The following WDR25 variants were observed in gnomAD, a reference collection of about 807,000 sequenced individuals.
WDR25 encodes WD repeat domain 25, also known as WD repeat-containing protein 25.
A neutral mutation model predicts 47.7 loss-of-function variants in WDR25; 35 were observed. The ratio of observed to expected loss-of-function variants is 0.73; its 90% CI spans 0.56 to 0.97. The LOEUF (loss-of-function observed/expected upper bound fraction) is 0.97, where lower values mean the gene tolerates loss of function less well. WDR25 is among the 50% of genes least tolerant of loss of function. The probability of loss-of-function intolerance (pLI) is 0.00; values close to 1 mark genes in which losing one functional copy is unlikely to be tolerated. For missense variants in WDR25, 634 were observed against 704.7 expected, an observed-to-expected ratio of 0.90 and a Z score of 1.14; for synonymous variants, 248 against 278.9, an observed-to-expected ratio of 0.89 and a Z score of 1.10.
At position 100,452,699 on chromosome 14, in the gene WDR25, T is replaced by TG. The variant is rs556267110; in HGVS notation, c.823-15316dup. Among the ~76,000 whole-genome samples, 172 of 152,002 alleles carry TG rather than the reference T, an allele frequency of 1.1e-3. 1 individual carries two copies. Among genetic ancestry groups the TG allele is most frequent in the African/African-American group, 3.6e-3 (149 of 41,438 alleles). On this transcript the variant is annotated intron_variant, in intron 2 of 6. Transcript: ENST00000402312. Reference sequence around the variant, plus strand: ...GGAAGCCACTGGATAGTTTGTGGGGTGGGGGGCTATAACTCGACTCTGATG... The same window carrying TG: ...GGAAGCCACTGGATAGTTTGTGGGGTGGGGGGGCTATAACTCGACTCTGATG...
At position 100,525,996 on chromosome 14, in the gene WDR25, T is replaced by G; in HGVS notation, c.1228T>G (p.Trp410Gly). The change falls in exon 5 of 7, where the codon TGG (tryptophan) becomes GGG (glycine). Residue 410 changes from tryptophan to glycine, a missense_variant. By Grantham distance (184) the Trp-to-Gly change is radical (BLOSUM62 -2). Transcript: ENST00000402312. The surrounding 1 kb of genome is among the most constrained non-coding windows in gnomAD (Gnocchi z 4.6). The part of the protein sequence containing the change: ...RDSADRTIIA[W>G]DFRTSAKISN... ...CTCAGCTGACCGCACCATTATTGCC[T>G]GGGATTTCCGGACCTCTGCCAAAAT... is the stretch of plus-strand genomic sequence containing the variant. The G allele has an allele frequency of 6.2e-7, 1 of 1,614,068 alleles. No individual in the cohort carries two copies. The highest frequency in any genetic ancestry group is 8.5e-7 in the Non-Finnish European group (1 of 1,179,958).
intron 4 of WDR25, among the ~76,000 whole-genome samples, chr14:100,503,067 G>A (rs566811517): frequency 1.3e-5 from 2 of 152,048 alleles, no homozygotes; most frequent in African/African-American, 2.4e-5. Context: ...GCGTGTGTGT[G>A]TGTGTGTGTG....
At chr14:100,465,677 C>T (rs1899605667) in intron 2 of WDR25, among the ~76,000 whole-genome samples, 1 of 152,212 alleles carries the variant, frequency 6.6e-6, no homozygotes, top group African/African-American at 2.4e-5. Context: ...CATGGATGTA[C>T]AGTATCTTTT....
At position 100,506,742 on chromosome 14, in the gene WDR25, C is replaced by T. The variant is rs1295421668; in HGVS notation, c.1102-19128C>T. Among the ~76,000 whole-genome samples the T allele has an allele frequency of 6.6e-6, 1 of 152,002 alleles. No homozygotes were observed. The highest frequency in any genetic ancestry group is 1.5e-5 in the Non-Finnish European group (1 of 68,000). On this transcript the variant is annotated intron_variant, in intron 4 of 6. Transcript: ENST00000402312. This position sits in a 1 kb window ranked among gnomAD's most constrained non-coding sequence, Gnocchi z 4.8. ...AGAAGTGTCTATTCATGTCTTTGGC[C>T]CATTTTTTAATAGGGTTATTTGTTT...
chr14:100,454,065 T>C (rs2140271941), intron 2 of WDR25, among the ~76,000 whole-genome samples: 1 of 152,348 alleles, frequency 6.6e-6, no homozygotes, highest in Admixed American at 6.5e-5. Flanking sequence ...AAAATGCTGC[T>C]GCTGTTCTTG....
chr14:100,412,004 A>G (rs549976040), intron 2 of WDR25, among the ~76,000 whole-genome samples: 5 of 152,330 alleles, frequency 3.3e-5, no homozygotes, highest in African/African-American at 1.2e-4. Flanking sequence ...ATGGTAAAAT[A>G]TCCCAGCCTG....
intron 2 of WDR25, among the ~76,000 whole-genome samples, chr14:100,453,274 T>C (rs1899098674): frequency 6.6e-6 from 1 of 152,168 alleles, no homozygotes; most frequent in Admixed American, 6.5e-5. Flanking sequence ...AGAGCATTAG[T>C]GGTGCTGAAA....
rs997961880 is a variant in WDR25, at chr14:100,530,174, C to T, written c.*133C>T. The T allele has an allele frequency of 4.4e-6, 4 of 908,930 alleles. No homozygotes were observed. The highest frequency in any genetic ancestry group is 3.4e-5 in the African/African-American group (2 of 59,622). The allele number at this position is 908,930 out of a possible 1,614,324, so 56.3% of individuals were successfully genotyped here. A position where few individuals can be genotyped will look rare whatever the true frequency, so the allele number is the denominator to read the frequency against. ...ACCACCTTCTGAGCCTCAGTTTCCT[C>T]ATCTGTAAAGTGGGGAGAAAAGTCT... On this transcript the variant is annotated 3_prime_UTR_variant, in exon 7 of 7. Coordinates refer to ENST00000402312, the MANE Select transcript of WDR25 (RefSeq NM_001161476.3).
intron 2 of WDR25, among the ~76,000 whole-genome samples, chr14:100,394,031 AG>A (rs1320173025): frequency 2.6e-5 from 4 of 152,218 alleles, no homozygotes; most frequent in African/African-American, 9.6e-5. Context: ...GGATCAGAGG[AG>A]GTTAGATGTG....
chr14:100,526,131 T>G, intron 5 of WDR25, 91 bp downstream of exon 5: 1 of 1,455,010 alleles, frequency 6.9e-7, no homozygotes, highest in Non-Finnish European at 9.3e-7. Flanking sequence ...GTCCCTTCTG[T>G]GGGAGGAGGC....
intron 3 of WDR25, among the ~76,000 whole-genome samples, chr14:100,474,630 G>A (rs866047212): frequency 6.6e-6 from 1 of 152,098 alleles, no homozygotes. Flanking sequence ...TAAAGCACTG[G>A]GATACACCTT....
chr14:100,454,514 G>A, intron 2 of WDR25: 2 of 1,168,748 alleles, frequency 1.7e-6, no homozygotes, highest in South Asian at 2.5e-5. Flanking sequence ...ACTATAAACT[G>A]TACAACAGCA....
At chr14:100,493,903 C>T (rs1595144809) in intron 4 of WDR25, among the ~76,000 whole-genome samples, 1 of 152,150 alleles carries the variant, frequency 6.6e-6, no homozygotes, top group African/African-American at 2.4e-5. Context: ...CTCTCCACCA[C>T]GTGAGGATAT....
In WDR25 at chr14:100,408,528, C is replaced by A. The variant is rs560456820; in HGVS notation, c.822+26782C>A. On this transcript the variant is annotated intron_variant, in intron 2 of 6. Transcript: ENST00000402312. The stretch of plus-strand genomic sequence containing the variant: ...CCCTCCAGCGCCCCCTCTGTGCCCC[C>A]CTCCAATCCCTGCTCCCCCCAGTCT... Among the ~76,000 whole-genome samples, 11 of 152,120 alleles carry A rather than the reference C, an allele frequency of 7.2e-5. No individual in the cohort carries two copies. The South Asian group carries it at 2.1e-3, about 29-fold the overall frequency.
rs369972302 is a variant in WDR25 at position 100,473,530 on chromosome 14, C to T, written c.970+5362C>T. Among the ~76,000 whole-genome samples, 11 of 152,320 alleles carry T rather than the reference C, an allele frequency of 7.2e-5. 1 individual carries two copies. Among genetic ancestry groups the T allele is most frequent in the African/African-American group, 2.6e-4 (11 of 41,564 alleles). ...GCCACCTGCAGAGGATAACATGGGG[C>T]CTCTGGGAAGAAGGAGTGCTCCAGA... On this transcript the variant is annotated intron_variant, in intron 3 of 6. Coordinates refer to ENST00000402312, the MANE Select transcript of WDR25 (RefSeq NM_001161476.3).
At chr14:100,485,129 G>A (rs1900339485) in intron 4 of WDR25, among the ~76,000 whole-genome samples, 1 of 151,982 alleles carries the variant, frequency 6.6e-6, no homozygotes, top group African/African-American at 2.4e-5. Context: ...CTTTGCACCT[G>A]CTGCTCCCTC....
chr14:100,459,894 G>GTATATATATA (rs61706956), intron 2 of WDR25, among the ~76,000 whole-genome samples: 144 of 78,182 alleles, frequency 1.8e-3, no homozygotes, highest in Middle Eastern at 8.6e-3. Context: ...GTGTGTGTGT[G>GTATATATATA]TATATATATA....
intron 2 of WDR25, among the ~76,000 whole-genome samples, chr14:100,427,973 G>A (rs566363705): frequency 2.0e-5 from 3 of 152,360 alleles, no homozygotes; most frequent in East Asian, 1.9e-4. Flanking sequence ...GCCTTGCAGC[G>A]ACTGCCGTGC....
chr14:100,382,124 G>A, intron 2 of WDR25: 1 of 703,040 alleles, frequency 1.4e-6, no homozygotes, highest in East Asian at 2.7e-5. Context: ...GCCTGGTGCT[G>A]TGCTGGTTTC....
Sources: allele counts gnomAD v4.1 joint callset (sites outside exome capture counted in the v4.1 genomes callset), GRCh38; gene constraint gnomAD v4.1.1; non-coding constraint Gnocchi (gnomAD v3.1); transcripts MANE v1.5; gene names NCBI Gene and HGNC (gene_info 2026-07-23, HGNC 2026-07-21).